The following COL28A1 variants were observed in gnomAD, a reference collection of about 807,000 sequenced individuals.
COL28A1 encodes collagen alpha-1(XXVIII) chain.
COL28A1 carries 161 observed loss-of-function variants against 150.2 expected under a neutral mutation model. The ratio of observed to expected loss-of-function variants is 1.07; its 90% CI spans 0.94 to 1.22. The LOEUF (loss-of-function observed/expected upper bound fraction) is 1.22, where lower values mean the gene tolerates loss of function less well. Ranked by LOEUF, COL28A1 falls within the 50% of genes most tolerant of loss-of-function variation. The pLI, the probability that COL28A1 is intolerant of heterozygous loss-of-function variation, is 0.00. For missense variants in COL28A1, 1,617 were observed against 1,388.3 expected, an observed-to-expected ratio of 1.16 and a Z score of -2.62; for synonymous variants, 552 against 469.7, an observed-to-expected ratio of 1.18 and a Z score of -2.26.
intron 8 of COL28A1, among the ~76,000 whole-genome samples, chr7:7,513,063 A>C (rs545695042): frequency 1.2e-3 from 179 of 152,354 alleles, no homozygotes; most frequent in Admixed American, 3.1e-3. Flanking sequence ...ATCTTGTTGC[A>C]GAATAGCAAC....
intron 31 of COL28A1, among the ~76,000 whole-genome samples, chr7:7,375,032 ACT>A (rs879270705): frequency 1.2e-4 from 18 of 152,200 alleles, no homozygotes; most frequent in Admixed American, 1.0e-3. Context: ...ACAACTCAAA[ACT>A]CTACTCAGAA....
Position 7,452,265 on chromosome 7 carries a change from C to T in COL28A1, c.1509+54G>A, listed in dbSNP as rs1786756565. ...TAAGGCAATTGGATATAAAGGAAAC[C>T]TTATATAATGTTACATAAAGTATCA... On this transcript the variant is annotated intron_variant, in intron 18 of 34. Coordinates refer to ENST00000399429, the MANE Select transcript of COL28A1 (RefSeq NM_001037763.3). 23 of 1,579,036 alleles carry T rather than the reference C, an allele frequency of 1.5e-5. No homozygotes were observed. The South Asian group carries it at 2.6e-4, about 18-fold the overall frequency.
intron 27 of COL28A1, among the ~76,000 whole-genome samples, chr7:7,404,091 G>T (rs751231841): frequency 6.6e-6 from 1 of 151,864 alleles, no homozygotes. Context: ...TTATTAGACC[G>T]ATCAGGAAAA....
intron 30 of COL28A1, among the ~76,000 whole-genome samples, chr7:7,379,165 G>T (rs1436478570): frequency 6.6e-6 from 1 of 152,194 alleles, no homozygotes; most frequent in African/African-American, 2.4e-5. Context: ...AAGGACGAGG[G>T]TTCCAGAGCG....
At chr7:7,383,701 T>TATATATAC (rs1300774512) in intron 27 of COL28A1, among the ~76,000 whole-genome samples, 13 of 145,328 alleles carry the variant, frequency 8.9e-5, no homozygotes, top group Non-Finnish European at 1.7e-4. Context: ...TATATATATA[T>TATATATAC]ATGTATATGA....
chr7:7,371,203 G>C (rs903924744), intron 32 of COL28A1, among the ~76,000 whole-genome samples: 1 of 152,210 alleles, frequency 6.6e-6, no homozygotes, highest in Non-Finnish European at 1.5e-5. Flanking sequence ...GTTTTAAGGA[G>C]AGCAAATGGC....
intron 15 of COL28A1, among the ~76,000 whole-genome samples, chr7:7,464,465 T>G (rs528895542): frequency 6.6e-5 from 10 of 152,276 alleles, no homozygotes; most frequent in Non-Finnish European, 1.3e-4. Flanking sequence ...CAAGCAGTCT[T>G]TCAGACCACA....
chr7:7,347,139 A>AT, the COL28A1 span, among the ~76,000 whole-genome samples: 3 of 152,068 alleles, frequency 2.0e-5, no homozygotes, highest in African/African-American at 7.2e-5. Flanking sequence ...AGCAAAAAAA[A>AT]CAATGTATAT....
chr7:7,448,899 G>A (rs1257448510), intron 18 of COL28A1, among the ~76,000 whole-genome samples: 1 of 151,976 alleles, frequency 6.6e-6, no homozygotes, highest in Non-Finnish European at 1.5e-5. Flanking sequence ...ACTAGTCTAT[G>A]ATGACAAAAA....
At chr7:7,347,933 G>T in the COL28A1 span, among the ~76,000 whole-genome samples, 1 of 151,950 alleles carries the variant, frequency 6.6e-6, no homozygotes, top group Non-Finnish European at 1.5e-5. Context: ...TGGGGGAGGG[G>T]GGTAATATTT....
intron 27 of COL28A1, among the ~76,000 whole-genome samples, chr7:7,390,968 T>C (rs1562529911): frequency 1.3e-5 from 2 of 152,208 alleles, no homozygotes; most frequent in African/African-American, 4.8e-5. Context: ...TTTTTGTGTC[T>C]TTATCTCCTT....
At chr7:7,364,513 C>T (rs898303878) in intron 33 of COL28A1, among the ~76,000 whole-genome samples, 1 of 152,170 alleles carries the variant, frequency 6.6e-6, no homozygotes, top group African/African-American at 2.4e-5. Context: ...TTCCCATTGT[C>T]GTCACTCCTC....
At chr7:7,515,479 C>G (rs1250232944) in intron 8 of COL28A1, among the ~76,000 whole-genome samples, 1 of 152,194 alleles carries the variant, frequency 6.6e-6, no homozygotes, top group Non-Finnish European at 1.5e-5. Flanking sequence ...AGGGTGCAAC[C>G]TATTTGCAGT....
chr7:7,534,870 T>C (rs910475323), intron 1 of COL28A1, among the ~76,000 whole-genome samples: 11 of 152,274 alleles, frequency 7.2e-5, no homozygotes, highest in African/African-American at 2.6e-4. Context: ...AACCAAAGTC[T>C]TGTTATTTCT....
At chr7:7,511,211 T>TG in intron 8 of COL28A1, 76 bp from the exon 9 acceptor site, 1 of 1,217,550 alleles carries the variant, frequency 8.2e-7, no homozygotes, top group Non-Finnish European at 1.2e-6. Context: ...TTTGTTTGTT[T>TG]TTTAAATTCC....
At chr7:7,474,725 A>G in intron 14 of COL28A1, 56 bp from the exon 15 acceptor site, 1 of 844,288 alleles carries the variant, frequency 1.2e-6, no homozygotes, top group African/African-American at 1.7e-5. Flanking sequence ...ATTTTAAAAG[A>G]GTTTACATTA....
intron 8 of COL28A1, 24 bp from the exon 9 acceptor site, chr7:7,511,159 A>C (rs368375608): frequency 1.3e-6 from 2 of 1,577,872 alleles, no homozygotes; most frequent in African/African-American, 2.7e-5. Flanking sequence ...AAGTGAAATA[A>C]ATAAGAGAAC....
chr7:7,514,825 A>T (rs1043729667), intron 8 of COL28A1, among the ~76,000 whole-genome samples: 4 of 152,094 alleles, frequency 2.6e-5, no homozygotes, highest in Admixed American at 2.6e-4. Flanking sequence ...GGGTAGCACA[A>T]CAAAGCCCGC....
At chr7:7,463,600 C>T (rs1787815523) in intron 15 of COL28A1, among the ~76,000 whole-genome samples, 1 of 152,144 alleles carries the variant, frequency 6.6e-6, no homozygotes, top group Admixed American at 6.5e-5. Context: ...AAGATACAGT[C>T]TTTTTCAGAC....
Sources: allele counts gnomAD v4.1 joint callset (sites outside exome capture counted in the v4.1 genomes callset), GRCh38; gene constraint gnomAD v4.1.1; transcripts MANE v1.5; gene names NCBI Gene and HGNC (gene_info 2026-07-23, HGNC 2026-07-21).